LPAR1: variants seen among roughly 807,000 people sequenced by gnomAD.
LPAR1 encodes lysophosphatidic acid receptor 1.
LPAR1 carries 5 observed loss-of-function variants against 23.8 expected under a neutral mutation model. The observed-to-expected ratio is 0.21, with a 90% CI of 0.11 to 0.44. The LOEUF is 0.44. LPAR1 is among the 20% of genes least tolerant of loss of function. The pLI is 0.99. For synonymous variants in LPAR1, 160 were observed against 164.7 expected (o/e 0.97, Z 0.22); for missense variants, 311 against 482.8 (o/e 0.64, Z 3.33).
intron 5 of LPAR1, among the ~76,000 whole-genome samples, chr9:110,915,750 G>T (rs2134690317): frequency 6.6e-6 from 1 of 152,160 alleles, no homozygotes; most frequent in South Asian, 2.1e-4. Flanking sequence ...GATGTAAATG[G>T]ATATGAATGG....
rs1169460654 is a variant in LPAR1 at position 110,875,363 on chromosome 9, G to A, written c.*58C>T. 5 of 1,461,250 alleles carry A rather than the reference G, an allele frequency of 3.4e-6. No homozygotes were observed. Among genetic ancestry groups the A allele is most frequent in the Non-Finnish European group, 4.6e-6 (5 of 1,082,948 alleles). The allele number at this position is 1,461,250 out of a possible 1,614,324, so 90.5% of individuals were successfully genotyped here. A position where few individuals can be genotyped will look rare whatever the true frequency, so the allele number is the denominator to read the frequency against. On this transcript the variant is annotated 3_prime_UTR_variant, in exon 6 of 6. Transcript: ENST00000683809. The stretch of plus-strand genomic sequence containing the variant: ...CCCACCTTGCCCTGGCAATTGGGTA[G>A]GGGGAGGCTGTTTATCCTCCAAGAG...
At chr9:111,021,911 C>T (rs1433707562) in intron 2 of LPAR1, among the ~76,000 whole-genome samples, 1 of 127,866 alleles carries the variant, frequency 7.8e-6, no homozygotes, top group Non-Finnish European at 1.5e-5. Context: ...TTGCAGTGAG[C>T]AGAGATCCCG....
At chr9:110,942,250 A>C in intron 4 of LPAR1, 82 bp from the exon 5 acceptor site, 2 of 1,202,174 alleles carry the variant, frequency 1.7e-6, no homozygotes, top group Non-Finnish European at 2.3e-6. Context: ...CAAGACTTTT[A>C]TAGTACATGC....
chr9:111,030,217 T>G (rs1318520568), intron 2 of LPAR1, among the ~76,000 whole-genome samples: 1 of 152,170 alleles, frequency 6.6e-6, no homozygotes, highest in Non-Finnish European at 1.5e-5. Context: ...CCTTTGAACC[T>G]TTACTTTTCT....
intron 5 of LPAR1, among the ~76,000 whole-genome samples, chr9:110,918,492 A>T (rs2093373933): frequency 6.6e-6 from 1 of 152,240 alleles, no homozygotes; most frequent in South Asian, 2.1e-4. Context: ...GTACAGGCTC[A>T]TGATTACATC....
intron 5 of LPAR1, among the ~76,000 whole-genome samples, chr9:110,884,298 T>G (rs919673613): frequency 6.6e-6 from 1 of 152,186 alleles, no homozygotes; most frequent in African/African-American, 2.4e-5. Context: ...TACTCACACT[T>G]TACTTACCGC....
intron 4 of LPAR1, among the ~76,000 whole-genome samples, chr9:110,944,432 T>A (rs948496636): frequency 6.6e-6 from 1 of 152,252 alleles, no homozygotes; most frequent in South Asian, 2.1e-4. Flanking sequence ...ATTTTCTTTC[T>A]GCAAAGGATA....
At chr9:111,037,664 G>A (rs1001656810) in intron 1 of LPAR1, among the ~76,000 whole-genome samples, 3 of 152,196 alleles carry the variant, frequency 2.0e-5, no homozygotes, top group African/African-American at 7.2e-5. Flanking sequence ...GTCGTCAGTG[G>A]GAAGCGAGAG....
At chr9:110,961,076 T>TTA (rs1554712633) in intron 4 of LPAR1, among the ~76,000 whole-genome samples, 6,039 of 151,386 alleles carry the variant, frequency 0.04, 172 homozygotes, top group South Asian at 0.071. Flanking sequence ...GTCCTTTTTT[T>TTA]ATTACAAAAC....
intron 5 of LPAR1, among the ~76,000 whole-genome samples, chr9:110,928,641 T>C (rs140839143): frequency 4.0e-4 from 61 of 152,330 alleles, no homozygotes; most frequent in African/African-American, 1.4e-3. Flanking sequence ...TTAAAGAATG[T>C]CTAAATAGAG....
chr9:111,007,699 G>A lies in LPAR1; in HGVS notation c.-182+28423C>T, dbSNP rs149299996. On this transcript the variant is annotated intron_variant, in intron 2 of 5. Coordinates refer to ENST00000683809, the MANE Select transcript of LPAR1 (RefSeq NM_001351411.2). ...GAAAAATCTCATCCTGTCCCTGAAG[G>A]ATGATTTTGGCAATATGTATCAAAA... Among the ~76,000 whole-genome samples the A allele has an allele frequency of 5.9e-5, 9 of 152,230 alleles. No homozygotes were observed. The East Asian group carries it at 1.7e-3, about 29-fold the overall frequency.
intron 4 of LPAR1, among the ~76,000 whole-genome samples, chr9:110,958,242 C>A (rs1052865521): frequency 6.6e-6 from 1 of 152,054 alleles, no homozygotes; most frequent in African/African-American, 2.4e-5. Flanking sequence ...AAAATTCATA[C>A]AGAACCAAAA....
intron 5 of LPAR1, among the ~76,000 whole-genome samples, chr9:110,924,977 A>C (rs2093904316): frequency 6.6e-6 from 1 of 152,140 alleles, no homozygotes; most frequent in Non-Finnish European, 1.5e-5. Flanking sequence ...TGTCACGGCC[A>C]GATTTGCTTC....
rs757336603 is a variant in LPAR1 at position 110,941,405 on chromosome 9, T to C, written c.793+16A>G. 24 of 1,589,290 alleles carry C rather than the reference T, an allele frequency of 1.5e-5. No homozygotes were observed. The highest frequency in any genetic ancestry group is 1.3e-4 in the South Asian group (11 of 87,310). On this transcript the variant is annotated intron_variant, in intron 5 of 5. Coordinates refer to ENST00000683809, the MANE Select transcript of LPAR1 (RefSeq NM_001351411.2). The surrounding 1 kb of genome is among the most constrained non-coding windows in gnomAD (Gnocchi z 6.1). ...TGAGAATCTATAAAGTAAGTTACAG[T>C]CAAGACAGAACTTACCAAGCACAAT...
At chr9:110,911,937 G>A (rs1238353531) in intron 5 of LPAR1, among the ~76,000 whole-genome samples, 5 of 152,158 alleles carry the variant, frequency 3.3e-5, no homozygotes, top group Non-Finnish European at 5.9e-5. Flanking sequence ...AAAAGGGCTG[G>A]GTGATTGTTT....
intron 2 of LPAR1, among the ~76,000 whole-genome samples, chr9:111,021,518 A>AAAAAGT (rs2097559794): frequency 6.6e-6 from 1 of 152,220 alleles, no homozygotes; most frequent in Non-Finnish European, 1.5e-5. Flanking sequence ...AATGTGGAAT[A>AAAAAGT]TATATAACTT....
At chr9:110,948,603 A>T (rs1042993820) in intron 4 of LPAR1, among the ~76,000 whole-genome samples, 4 of 152,194 alleles carry the variant, frequency 2.6e-5, no homozygotes, top group Admixed American at 6.5e-5. Context: ...ATACTTGTCA[A>T]ATTTCCAAAG....
At chr9:110,889,100 A>C (rs7874593) in intron 5 of LPAR1, among the ~76,000 whole-genome samples, 2 of 151,996 alleles carry the variant, frequency 1.3e-5, no homozygotes, top group Non-Finnish European at 2.9e-5. Context: ...AGTGGCTCTC[A>C]CCTGTAATCC....
intron 5 of LPAR1, among the ~76,000 whole-genome samples, chr9:110,891,616 CAATA>C (rs2084205673): frequency 6.6e-6 from 1 of 152,068 alleles, no homozygotes; most frequent in Non-Finnish European, 1.5e-5. Flanking sequence ...ATCAAATGCT[CAATA>C]AATAGTCTTG....
Sources: allele counts gnomAD v4.1 joint callset (sites outside exome capture counted in the v4.1 genomes callset), GRCh38; gene constraint gnomAD v4.1.1; non-coding constraint Gnocchi (gnomAD v3.1); transcripts MANE v1.5; gene names NCBI Gene and HGNC (gene_info 2026-07-23, HGNC 2026-07-21).